The following TPST1 variants were observed in gnomAD, a reference collection of about 807,000 sequenced individuals.
The protein encoded by TPST1 is tyrosylprotein sulfotransferase 1.
TPST1 carries 20 observed loss-of-function variants against 34.8 expected under a neutral mutation model. The observed-to-expected ratio is 0.57, with a 90% confidence interval of 0.40 to 0.84. The LOEUF is 0.84. Ranked by LOEUF, TPST1 falls within the 40% of genes least tolerant of loss-of-function variation. The pLI is 0.00. For missense variants in TPST1, 353 were observed against 455.5 expected, an observed-to-expected ratio of 0.78 and a Z score of 2.05; for synonymous variants, 152 against 159.4, an observed-to-expected ratio of 0.95 and a Z score of 0.35.
intron 3 of TPST1, among the ~76,000 whole-genome samples, chr7:66,294,416 A>G (rs1410735303): frequency 2.6e-5 from 4 of 152,138 alleles, no homozygotes; most frequent in Admixed American, 6.5e-5. Context: ...TTAATTGACA[A>G]ATTTATGCCA....
chr7:66,222,208 C>T (rs1264970995), intron 1 of TPST1, among the ~76,000 whole-genome samples: 1 of 151,944 alleles, frequency 6.6e-6, no homozygotes, highest in Non-Finnish European at 1.5e-5. Flanking sequence ...ACGGTGAAAC[C>T]CTGTTATTAA....
At chr7:66,221,023 C>T (rs370249825) in intron 1 of TPST1, among the ~76,000 whole-genome samples, 1 of 151,960 alleles carries the variant, frequency 6.6e-6, no homozygotes, top group Admixed American at 6.6e-5. Context: ...ATCCCAGCTA[C>T]TCGGGAGGCT....
chr7:66,249,531 AACCTTTAAAAG>A (rs1308274148), intron 2 of TPST1, among the ~76,000 whole-genome samples: 4 of 152,208 alleles, frequency 2.6e-5, no homozygotes, highest in Non-Finnish European at 5.9e-5. Context: ...TCACATACAG[AACCTTTAAAAG>A]ACCTAAAATT....
chr7:66,343,382 A>G (rs745598651), intron 3 of TPST1, among the ~76,000 whole-genome samples: 1 of 152,172 alleles, frequency 6.6e-6, no homozygotes, highest in African/African-American at 2.4e-5. Context: ...AGATGGGAAC[A>G]GTAGACACTG....
Position 66,333,656 on chromosome 7 carries a change from C to T in TPST1, c.1045-18849C>T, listed in dbSNP as rs537687790. On this transcript the variant is annotated intron_variant, in intron 3 of 5. Transcript: ENST00000304842. The stretch of plus-strand genomic sequence containing the variant: ...GGGAATTACGTGCCTCCTTTTTTCC[C>T]TTGCACAACATAGAATTTGTTTTCT... 1.1e-4 allele frequency among the ~76,000 whole-genome samples: 16 copies of T among 152,202 alleles called. No individual in the cohort carries two copies. The South Asian group carries it at 3.3e-3, about 32-fold the overall frequency.
At chr7:66,262,123 G>T (rs1472972798) in intron 2 of TPST1, among the ~76,000 whole-genome samples, 1 of 152,162 alleles carries the variant, frequency 6.6e-6, no homozygotes, top group Non-Finnish European at 1.5e-5. Context: ...AAGTGCTGTT[G>T]CAGTCTGTGG....
intron 2 of TPST1, among the ~76,000 whole-genome samples, chr7:66,279,221 A>G (rs1013328168): frequency 2.0e-5 from 3 of 152,170 alleles, no homozygotes; most frequent in African/African-American, 4.8e-5. Flanking sequence ...GCTTAGGATA[A>G]TGGCCTCCAA....
chr7:66,208,380 C>T (rs552319573), intron 1 of TPST1, among the ~76,000 whole-genome samples: 1 of 152,298 alleles, frequency 6.6e-6, no homozygotes, highest in Admixed American at 6.5e-5. Flanking sequence ...TCTGACTACC[C>T]CTCCTCCTTA....
At chr7:66,308,977 C>G (rs1199248661) in intron 3 of TPST1, among the ~76,000 whole-genome samples, 1 of 152,224 alleles carries the variant, frequency 6.6e-6, no homozygotes, top group African/African-American at 2.4e-5. Flanking sequence ...CAGCTCATTG[C>G]AACCTCTGCC....
chr7:66,269,988 G>GA (rs138381608), intron 2 of TPST1, among the ~76,000 whole-genome samples: 2,150 of 152,202 alleles, frequency 0.014, 60 homozygotes, highest in East Asian at 0.089. Flanking sequence ...TGGAAAAAAG[G>GA]AAAAACAGAG....
At chr7:66,226,152 G>T (rs932185190) in intron 1 of TPST1, among the ~76,000 whole-genome samples, 1 of 152,080 alleles carries the variant, frequency 6.6e-6, no homozygotes, top group Non-Finnish European at 1.5e-5. Context: ...CTCCCAAAGT[G>T]CTGGGATTAC....
chr7:66,324,524 C>T (rs914840786), intron 3 of TPST1, among the ~76,000 whole-genome samples: 1 of 151,948 alleles, frequency 6.6e-6, no homozygotes, highest in East Asian at 1.9e-4. Context: ...TAGCCATTTT[C>T]GGCTGGGTGC....
chr7:66,242,794 G>T (rs974294847), intron 2 of TPST1, among the ~76,000 whole-genome samples: 2 of 152,102 alleles, frequency 1.3e-5, no homozygotes, highest in African/African-American at 4.8e-5. Flanking sequence ...ATCAGGAAGA[G>T]AACATTTTGT....
At chr7:66,301,038 A>G (rs1001595053) in intron 3 of TPST1, among the ~76,000 whole-genome samples, 1 of 152,202 alleles carries the variant, frequency 6.6e-6, no homozygotes, top group Non-Finnish European at 1.5e-5. Flanking sequence ...GCAAGCATGA[A>G]AACAGCATTC....
In TPST1 at chr7:66,332,602, A is replaced by G. The variant is rs1792019342; in HGVS notation, c.1045-19903A>G. Among the ~76,000 whole-genome samples the G allele has an allele frequency of 6.6e-6, 1 of 152,120 alleles. No individual in the cohort carries two copies. Among genetic ancestry groups the G allele is most frequent in the African/African-American group, 2.4e-5 (1 of 41,414 alleles). The stretch of plus-strand genomic sequence containing the variant: ...TACATCTTAATTATGAATTGTTACT[A>G]TAGTCAGCCCTTTGTATCTGTGGTT... On this transcript the variant is annotated intron_variant, in intron 3 of 5. Coordinates refer to ENST00000304842, the MANE Select transcript of TPST1 (RefSeq NM_003596.4). This position sits in a 1 kb window ranked among gnomAD's most constrained non-coding sequence, Gnocchi z 4.5.
intron 2 of TPST1, among the ~76,000 whole-genome samples, chr7:66,281,490 C>T (rs1790931108): frequency 6.6e-6 from 1 of 152,078 alleles, no homozygotes; most frequent in Non-Finnish European, 1.5e-5. Context: ...TTTTTTAGTA[C>T]TAATTCAATT....
chr7:66,356,954 C>T, intron 5 of TPST1, 83 bp downstream of exon 5: 1 of 1,401,870 alleles, frequency 7.1e-7, no homozygotes, highest in Non-Finnish European at 1.0e-6. Context: ...GTGGAGAGCA[C>T]AGCTCTGGAG....
intron 2 of TPST1, among the ~76,000 whole-genome samples, chr7:66,263,698 A>C (rs768235504): frequency 6.6e-6 from 1 of 152,210 alleles, no homozygotes; most frequent in Non-Finnish European, 1.5e-5. Context: ...ATTCTAAGTA[A>C]ATGCTTGATA....
At chr7:66,207,694 G>A (rs751178256) in intron 1 of TPST1, among the ~76,000 whole-genome samples, 1 of 152,026 alleles carries the variant, frequency 6.6e-6, no homozygotes. Context: ...TTTCAAAGAC[G>A]TCTATTTAGT....
Sources: gnomAD v4.1 joint callset for allele counts (sites outside exome capture counted in the v4.1 genomes callset) on GRCh38, gnomAD v4.1.1 for gene constraint, Gnocchi (gnomAD v3.1) non-coding constraint, MANE v1.5 for transcripts, NCBI Gene and HGNC (gene_info 2026-07-23, HGNC 2026-07-21) for gene names.